Variants in PTPRD observed in about 807,000 individuals in gnomAD.
The protein encoded by PTPRD is receptor-type tyrosine-protein phosphatase delta.
PTPRD carries 34 observed loss-of-function variants against 214.5 expected under a neutral mutation model. That is an observed-to-expected ratio of 0.16 (90% CI 0.12 to 0.21). The LOEUF is 0.21. Among genes scored for constraint, PTPRD ranks in the 10% least tolerant of loss-of-function variants. PTPRD has a pLI of 1.00. For synonymous variants in PTPRD, 1,128 were observed against 845.7 expected, an observed-to-expected ratio of 1.33 and a Z score of -5.79; for missense variants, 2,545 against 2,398.7, an observed-to-expected ratio of 1.06 and a Z score of -1.27.
chr9:10,072,892 G>C (rs1177040078), intron 3 of PTPRD, among the ~76,000 whole-genome samples: 1 of 152,070 alleles, frequency 6.6e-6, no homozygotes, highest in Non-Finnish European at 1.5e-5. Flanking sequence ...GTTTATAGCA[G>C]TTTTATTAAT....
At chr9:9,629,525 T>C (rs868107560) in intron 7 of PTPRD, among the ~76,000 whole-genome samples, 1 of 152,236 alleles carries the variant, frequency 6.6e-6, no homozygotes. Flanking sequence ...CTAAGACCTA[T>C]AGCTGAGAAA....
At chr9:9,056,156 C>T (rs1325660097) in intron 10 of PTPRD, among the ~76,000 whole-genome samples, 3 of 152,088 alleles carry the variant, frequency 2.0e-5, no homozygotes, top group Admixed American at 6.6e-5. Flanking sequence ...GAACAATCTA[C>T]GAAGAAGACA....
At chr9:10,553,014 G>T (rs1464386890) in intron 2 of PTPRD, among the ~76,000 whole-genome samples, 2 of 152,108 alleles carry the variant, frequency 1.3e-5, no homozygotes, top group South Asian at 4.1e-4. Flanking sequence ...TTCAAAGTGG[G>T]ACACAAGAAT....
intron 5 of PTPRD, among the ~76,000 whole-genome samples, chr9:9,866,092 T>G (rs1420848518): frequency 1.3e-5 from 2 of 152,192 alleles, no homozygotes; most frequent in Non-Finnish European, 2.9e-5. Context: ...GAAACCTACT[T>G]CTTTTTCATT....
intron 7 of PTPRD, among the ~76,000 whole-genome samples, chr9:9,640,444 C>G (rs1411323704): frequency 1.3e-5 from 2 of 152,188 alleles, no homozygotes; most frequent in Admixed American, 6.5e-5. Flanking sequence ...TCTCTATATT[C>G]TGCCCTGCCA....
In PTPRD at chr9:8,436,955, G is replaced by A. The variant is rs138545529; in HGVS notation, c.3989-266C>T. On this transcript the variant is annotated intron_variant, in intron 34 of 45. Transcript: ENST00000381196. ...GTAAAAGAAAGCGTTATTGTGCTAT[G>A]AATCAATAAGGTTAGCTAGTGGAAA... 2.5e-3 allele frequency among the ~76,000 whole-genome samples: 387 copies of A among 152,292 alleles called. 2 individuals carry two copies. Among genetic ancestry groups the A allele is most frequent in the Admixed American group, 5.4e-3 (83 of 15,298 alleles).
At chr9:8,320,097 G>C in intron 44 of PTPRD, 131 bp from the exon 45 acceptor site, 1 of 1,105,396 alleles carries the variant, frequency 9.0e-7, no homozygotes. Context: ...AGGAAAACAT[G>C]GTATCACATT....
chr9:9,303,678 A>G (rs901387651), intron 9 of PTPRD, among the ~76,000 whole-genome samples: 1 of 152,074 alleles, frequency 6.6e-6, no homozygotes, highest in African/African-American at 2.4e-5. Context: ...ATGAAAACAC[A>G]AAAGTGGAAA....
intron 9 of PTPRD, among the ~76,000 whole-genome samples, chr9:9,230,181 G>A (rs2099962199): frequency 6.6e-6 from 1 of 152,088 alleles, no homozygotes; most frequent in African/African-American, 2.4e-5. Context: ...CAATGGGGGT[G>A]GGTGGGTGCA....
At chr9:8,502,687 C>T (rs576223336) in intron 23 of PTPRD, among the ~76,000 whole-genome samples, 84 of 151,974 alleles carry the variant, frequency 5.5e-4, no homozygotes, top group Non-Finnish European at 8.4e-4. Context: ...ATCTGTAATT[C>T]TTTTTAAAAA....
chr9:9,147,794 C>T (rs1234394669), intron 10 of PTPRD, among the ~76,000 whole-genome samples: 2 of 152,102 alleles, frequency 1.3e-5, no homozygotes, highest in African/African-American at 2.4e-5. Context: ...TAGTGGTTTT[C>T]AAAGTCTTTT....
intron 10 of PTPRD, among the ~76,000 whole-genome samples, chr9:9,141,608 T>A (rs2099860528): frequency 6.6e-6 from 1 of 151,380 alleles, no homozygotes; most frequent in Non-Finnish European, 1.5e-5. Context: ...TGAGACCAAA[T>A]CTCCGGGAAC....
chr9:9,748,285 A>G (rs2098478398), intron 6 of PTPRD, among the ~76,000 whole-genome samples: 1 of 152,172 alleles, frequency 6.6e-6, no homozygotes, highest in African/African-American at 2.4e-5. Context: ...CTACACTAAA[A>G]TCTTTGCATA....
At chr9:9,196,783 C>A (rs1354734135) in intron 9 of PTPRD, among the ~76,000 whole-genome samples, 2 of 152,038 alleles carry the variant, frequency 1.3e-5, no homozygotes, top group Non-Finnish European at 2.9e-5. Flanking sequence ...TTATGTGTCT[C>A]CCCCTAAAAA....
chr9:9,961,971 A>G (rs2154025259), intron 4 of PTPRD, among the ~76,000 whole-genome samples: 1 of 152,256 alleles, frequency 6.6e-6, no homozygotes, highest in Non-Finnish European at 1.5e-5. Context: ...ATTATGTACC[A>G]ATTTAAAAAT....
chr9:9,960,581 G>A (rs1318428591), intron 4 of PTPRD, among the ~76,000 whole-genome samples: 1 of 152,078 alleles, frequency 6.6e-6, no homozygotes, highest in Non-Finnish European at 1.5e-5. Context: ...GATGGGATGA[G>A]ATGAAAATGG....
At chr9:9,190,374 T>C (rs1463919083) in intron 9 of PTPRD, among the ~76,000 whole-genome samples, 1 of 152,064 alleles carries the variant, frequency 6.6e-6, no homozygotes, top group African/African-American at 2.4e-5. Context: ...CATGCTATTC[T>C]TGTGATAGTG....
intron 4 of PTPRD, among the ~76,000 whole-genome samples, chr9:10,018,635 C>T (rs1330729757): frequency 7.1e-6 from 1 of 139,986 alleles, no homozygotes; most frequent in Non-Finnish European, 1.6e-5. Flanking sequence ...GCAAGCTCCG[C>T]CTCCCGGGTT....
intron 2 of PTPRD, among the ~76,000 whole-genome samples, chr9:10,443,224 G>T (rs994325628): frequency 6.6e-6 from 1 of 151,326 alleles, no homozygotes; most frequent in African/African-American, 2.4e-5. Context: ...CTTAGAATCC[G>T]GTCACATATA....
Sources: gnomAD v4.1 joint callset for allele counts (sites outside exome capture counted in the v4.1 genomes callset) on GRCh38, gnomAD v4.1.1 for gene constraint, MANE v1.5 for transcripts, NCBI Gene and HGNC (gene_info 2026-07-23, HGNC 2026-07-21) for gene names.